Variants in NXF1 observed in about 807,000 individuals in gnomAD.
The protein encoded by NXF1 is nuclear RNA export factor 1, also known as mRNA export factor TAP.
A neutral mutation model predicts 92.4 loss-of-function variants in NXF1; 43 were observed. The observed-to-expected ratio is 0.47, with a 90% CI of 0.36 to 0.60. The LOEUF is 0.60. Ranked by LOEUF, NXF1 falls within the 20% of genes least tolerant of loss-of-function variation. The probability of loss-of-function intolerance (pLI) is 0.00; values close to 1 mark genes in which losing one functional copy is unlikely to be tolerated. For synonymous variants in NXF1, 288 were observed against 292.2 expected, an observed-to-expected ratio of 0.99 and a Z score of 0.15; for missense variants, 576 against 793.0, an observed-to-expected ratio of 0.73 and a Z score of 3.29.
intron 7 of NXF1, 22 bp from the exon 8 acceptor site, chr11:62,801,439 G>A: frequency 6.2e-7 from 1 of 1,613,386 alleles, no homozygotes; most frequent in Non-Finnish European, 8.5e-7. Context: ...AGAAGGGAAG[G>A]AAAGGGAAGA....
chr11:62,798,126 CAAAAAA>C (rs34495263), intron 11 of NXF1, among the ~76,000 whole-genome samples: 1 of 98,626 alleles, frequency 1.0e-5, no homozygotes, highest in Admixed American at 1.2e-4. Flanking sequence ...AGACTCCATC[CAAAAAA>C]AAAAAAAAAA....
rs1448114475 is a variant in NXF1, at chr11:62,792,623, T to C, written c.1821+18A>G. On this transcript the variant is annotated intron_variant, in intron 20 of 20. Transcript: ENST00000294172. ...CCAGAGATCCTAGTCTTTTTGCCAC[T>C]GTATTTCCAGACCTTACCTTGAGAT... is the stretch of plus-strand genomic sequence containing the variant. 17 of 1,614,068 alleles carry C rather than the reference T, an allele frequency of 1.1e-5. No homozygotes were observed. The highest frequency in any genetic ancestry group is 1.7e-5 in the Admixed American group (1 of 59,994).
At chr11:62,799,010 G>T in intron 10 of NXF1, 1 of 1,004,688 alleles carries the variant, frequency 1.0e-6, no homozygotes. Flanking sequence ...CACAGGGATG[G>T]CACAGGATGT....
chr11:62,805,216 C>G (rs2084522938), intron 1 of NXF1, 113 bp downstream of exon 1: 1 of 1,032,988 alleles, frequency 9.7e-7, no homozygotes, highest in African/African-American at 1.7e-5. Flanking sequence ...GCGCGCCGCT[C>G]CCCGCGGACG....
At chr11:62,794,608 A>C in intron 18 of NXF1, 168 bp from the exon 19 acceptor site, 1 of 655,710 alleles carries the variant, frequency 1.5e-6, no homozygotes, top group Non-Finnish European at 2.6e-6. Flanking sequence ...TGGAAGGATT[A>C]TCTACTAAAC....
At chr11:62,799,384 G>C in intron 10 of NXF1, 3 of 985,784 alleles carry the variant, frequency 3.0e-6, no homozygotes, top group Non-Finnish European at 3.6e-6. Flanking sequence ...TGAACTGGGC[G>C]TGGGAAGCAA....
Position 62,803,534 on chromosome 11 carries a change from GT to G in NXF1, c.253del (p.Thr85LeufsTer52). ...ATGAATGCGATCTCGATCATGCCAAGTATCACCCCGACGGTTAGGTCGGGTG... is the reference window on the plus strand; with the variant it reads ...ATGAATGCGATCTCGATCATGCCAAGATCACCCCGACGGTTAGGTCGGGTG... ...YTTRPNRRGD[T>X]WHDRDRIHVT... is the part of the protein sequence containing the mutation. On this transcript the variant is annotated frameshift_variant, in exon 3 of 21. Transcript: ENST00000294172. LOFTEE classifies it high-confidence loss of function. 1 of 1,614,112 alleles carries G rather than the reference GT, an allele frequency of 6.2e-7. No homozygotes were observed. Among genetic ancestry groups the G allele is most frequent in the Non-Finnish European group, 8.5e-7 (1 of 1,180,022 alleles).
At chr11:62,793,816 T>C (rs1311260041) in intron 19 of NXF1, among the ~76,000 whole-genome samples, 4 of 100,202 alleles carry the variant, frequency 4.0e-5, no homozygotes, top group Non-Finnish European at 7.4e-5. Flanking sequence ...AGCCCGTCTC[T>C]ACTAAAAAAA....
chr11:62,799,138 G>A, intron 10 of NXF1: 1 of 981,586 alleles, frequency 1.0e-6, no homozygotes, highest in Non-Finnish European at 1.2e-6. Context: ...GAGATGGGGA[G>A]GTATAGGAGA....
chr11:62,792,384 C>G lies in NXF1; in HGVS notation c.*92G>C. 6.6e-7 allele frequency: 1 copy of G among 1,521,838 alleles called. No homozygotes were observed. The highest frequency in any genetic ancestry group is 1.1e-5 in the South Asian group (1 of 89,304). 94.3% of individuals were successfully genotyped at this position (1,521,838 alleles called of 1,614,324 possible). ...CTCGGTCACAGTCACGGGGCGGCCTCGGGCCAGACAGGAGGAGATGACAGA... is the reference window on the plus strand; with the variant it reads ...CTCGGTCACAGTCACGGGGCGGCCTGGGGCCAGACAGGAGGAGATGACAGA... On this transcript the variant is annotated 3_prime_UTR_variant, in exon 21 of 21. Coordinates refer to ENST00000294172, the MANE Select transcript of NXF1 (RefSeq NM_006362.5).
At chr11:62,796,834 A>T in intron 13 of NXF1, 1 of 536,594 alleles carries the variant, frequency 1.9e-6, no homozygotes, top group East Asian at 3.3e-5. Context: ...TTTGGGAGGA[A>T]GAGGCAGGTG....
Position 62,800,608 on chromosome 11 carries a change from T to TC in NXF1, c.907-123_907-122insG. ...TTCTAATCTTTTAAAATTTTTTCTTTTTTTTTTTTTTTTGGGACAGGGTCT... is the reference window on the plus strand; with the variant it reads ...TTCTAATCTTTTAAAATTTTTTCTTTCTTTTTTTTTTTTTGGGACAGGGTCT... On this transcript the variant is annotated intron_variant, in intron 9 of 20. Coordinates refer to ENST00000294172, the MANE Select transcript of NXF1 (RefSeq NM_006362.5). The TC allele has an allele frequency of 2.3e-5, 9 of 388,050 alleles. No individual in the cohort carries two copies. The East Asian group carries it at 2.4e-4, about 10-fold the overall frequency. The allele number at this position is 388,050 out of a possible 1,614,324, so 24.0% of individuals were successfully genotyped here.
rs200187006 is a variant in NXF1, at chr11:62,805,385, G to C, written c.-29C>G. Reference sequence around the variant, plus strand: ...ACAGCGAAGATCAAGGGCGGGCTCAGGCGCTGGCCGCTACGCCGGCAAACA... The same window carrying C: ...ACAGCGAAGATCAAGGGCGGGCTCACGCGCTGGCCGCTACGCCGGCAAACA... On this transcript the variant is annotated 5_prime_UTR_variant, in exon 1 of 21. Coordinates refer to ENST00000294172, the MANE Select transcript of NXF1 (RefSeq NM_006362.5). 1.8e-5 allele frequency: 29 copies of C among 1,610,532 alleles called. No homozygotes were observed. The Admixed American group carries it at 3.5e-4, about 20-fold the overall frequency.
chr11:62,801,988 G>A lies in NXF1; in HGVS notation c.512C>T (p.Ala171Val). 3.1e-6 allele frequency: 5 copies of A among 1,614,226 alleles called. No homozygotes were observed. Among genetic ancestry groups the A allele is most frequent in the Non-Finnish European group, 4.2e-6 (5 of 1,180,030 alleles). Residue 171 changes from alanine (A) to valine (V), a missense_variant, in exon 5 of 21, where the codon GCA (alanine) becomes GTA (valine). Around this residue, in one of 2 missense-constraint regions of NXF1, gnomAD observed 425 missense variants for 635.2 expected, o/e 0.67. Coordinates refer to ENST00000294172, the MANE Select transcript of NXF1 (RefSeq NM_006362.5). ...FFVEDASTAS[A>V]LKAVNYKILD... Reference sequence around the variant, plus strand: ...AATCTTATAGTTGACAGCCTTCAATGCAGAGGCAGTACTGGCGTCTTCAAC... The same window carrying A: ...AATCTTATAGTTGACAGCCTTCAATACAGAGGCAGTACTGGCGTCTTCAAC...
intron 17 of NXF1, 180 bp from the exon 18 acceptor site, chr11:62,795,187 A>G: frequency 1.7e-6 from 1 of 576,758 alleles, no homozygotes; most frequent in Non-Finnish European, 3.1e-6. Context: ...GGACAATAGT[A>G]ATAACTACGG....
chr11:62,799,301 GAAAC>G, intron 10 of NXF1: 2 of 985,736 alleles, frequency 2.0e-6, no homozygotes, highest in Non-Finnish European at 2.4e-6. Context: ...GTAGAAATGA[GAAAC>G]AAATCCTTGC....
intron 9 of NXF1, 101 bp from the exon 10 acceptor site, chr11:62,800,587 A>C (rs1461906659): frequency 4.2e-6 from 3 of 708,102 alleles, no homozygotes; most frequent in South Asian, 2.2e-5. Context: ...GATCTTTTCT[A>C]ATCTTTTAAA....
At chr11:62,801,870 C>T in intron 5 of NXF1, 51 bp from the exon 6 acceptor site, 1 of 1,604,570 alleles carries the variant, frequency 6.2e-7, no homozygotes, top group Non-Finnish European at 8.5e-7. Flanking sequence ...GCCTAAGCCG[C>T]AAGAACAAGA....
intron 17 of NXF1, chr11:62,795,547 C>A: frequency 3.1e-6 from 1 of 323,626 alleles, no homozygotes; most frequent in Non-Finnish European, 5.8e-6. Context: ...CTTTGTAAGT[C>A]ACTTCAGTTT....
Sources: allele counts gnomAD v4.1 joint callset (sites outside exome capture counted in the v4.1 genomes callset), GRCh38; gene constraint gnomAD v4.1.1; regional missense constraint gnomAD v4.1.1; transcripts MANE v1.5; gene names NCBI Gene and HGNC (gene_info 2026-07-23, HGNC 2026-07-21).